APOBEC3F: variants seen among roughly 807,000 people sequenced by gnomAD.
APOBEC3F encodes DNA dC->dU-editing enzyme APOBEC-3F.
Under a neutral mutation model 45.8 loss-of-function variants are expected in APOBEC3F, and 34 were observed. The ratio of observed to expected loss-of-function variants is 0.74; its 90% CI spans 0.57 to 0.99. The LOEUF (loss-of-function observed/expected upper bound fraction) is 0.99. Among genes scored for constraint, APOBEC3F ranks in the 50% least tolerant of loss-of-function variants. The probability of loss-of-function intolerance (pLI) is 0.00; values close to 1 mark genes in which losing one functional copy is unlikely to be tolerated. For missense variants in APOBEC3F, 459 were observed against 474.1 expected, an observed-to-expected ratio of 0.97 and a Z score of 0.30; for synonymous variants, 192 against 174.4, an observed-to-expected ratio of 1.10 and a Z score of -0.80.
intron 4 of APOBEC3F, among the ~76,000 whole-genome samples, chr22:39,046,036 G>C (rs1429248296): frequency 3.3e-5 from 5 of 152,154 alleles, no homozygotes; most frequent in Non-Finnish European, 4.4e-5. Context: ...TTTTCTCACA[G>C]ATCTGGAGGC....
Position 39,055,204 on chromosome 22 carries a change from C to CT in APOBEC3F, c.*2510dup, listed in dbSNP as rs561279998. Among the ~76,000 whole-genome samples the CT allele has an allele frequency of 7.2e-5, 11 of 151,938 alleles. No homozygotes were observed. The South Asian group carries it at 2.3e-3, about 32-fold the overall frequency. On this transcript the variant is annotated 3_prime_UTR_variant, in exon 7 of 7. Coordinates refer to ENST00000308521, the MANE Select transcript of APOBEC3F (RefSeq NM_145298.6). ...TCTCGTGCCTCAGCCTCCTGAGTAG[C>CT]TGGGACTACAGGCGTGTGCCACCAC... is the stretch of plus-strand genomic sequence containing the variant.
chr22:39,051,151 C>T (rs1253912635), intron 5 of APOBEC3F, among the ~76,000 whole-genome samples: 4 of 146,848 alleles, frequency 2.7e-5, no homozygotes, highest in Admixed American at 6.7e-5. Context: ...GCAGGAAAAT[C>T]GCCTGAACCC....
At chr22:39,049,008 AC>A (rs370937601) in intron 4 of APOBEC3F, among the ~76,000 whole-genome samples, 3 of 34,364 alleles carry the variant, frequency 8.7e-5, no homozygotes, top group African/African-American at 1.2e-4. Context: ...AACAAAAAAA[AC>A]AAAAAGAGTA....
Position 39,052,260 on chromosome 22 carries a change from G to C in APOBEC3F, c.910G>C (p.Ala304Pro), listed in dbSNP as rs749030868. Residue 304 changes from alanine (A) to proline (P), a missense_variant, in exon 6 of 7, where the codon GCC becomes CCC. Transcript: ENST00000308521. Reference protein sequence around the residue: ...HSNVNLTIFTARLYYFWDTDY... With the variant: ...HSNVNLTIFTPRLYYFWDTDY... Reference sequence around the variant, plus strand: ...CAACGTGAATCTCACCATCTTCACCGCCCGCCTCTACTACTTCTGGGATAC... The same window carrying C: ...CAACGTGAATCTCACCATCTTCACCCCCCGCCTCTACTACTTCTGGGATAC... 6.2e-7 allele frequency: 1 copy of C among 1,614,198 alleles called. No homozygotes were observed. Among genetic ancestry groups the C allele is most frequent in the African/African-American group, 1.3e-5 (1 of 75,048 alleles).
At chr22:39,044,325 A>C in intron 2 of APOBEC3F, 1 of 1,418,686 alleles carries the variant, frequency 7.0e-7, no homozygotes, top group Non-Finnish European at 9.2e-7. Flanking sequence ...AAAACTTCCA[A>C]ACGAAGGGAA....
chr22:39,046,243 A>G (rs1411329989), intron 4 of APOBEC3F, among the ~76,000 whole-genome samples: 16 of 152,190 alleles, frequency 1.1e-4, no homozygotes, highest in African/African-American at 3.9e-4. Context: ...CCTAAGGGCC[A>G]TGAGTTAATT....
At chr22:39,051,972 G>C (rs150203209) in intron 5 of APOBEC3F, 102 bp from the exon 6 acceptor site, 1 of 1,504,326 alleles carries the variant, frequency 6.6e-7, no homozygotes, top group African/African-American at 1.4e-5. Flanking sequence ...ATAAGGAAAC[G>C]CCCTGGGGCT....
Position 39,052,880 on chromosome 22 carries a change from A to C in APOBEC3F, c.*185A>C. On this transcript the variant is annotated 3_prime_UTR_variant, in exon 7 of 7. Transcript: ENST00000308521. The stretch of plus-strand genomic sequence containing the variant: ...CTCCGCTCTCCCAGGCTCTTCCTGC[A>C]GAGGCCTCTTTCTGCCTCCATGGCT... 7.5e-7 allele frequency: 1 copy of C among 1,342,190 alleles called. No individual in the cohort carries two copies. The highest frequency in any genetic ancestry group is 9.6e-7 in the Non-Finnish European group (1 of 1,037,776). The allele number at this position is 1,342,190 out of a possible 1,614,324, so 83.1% of individuals were successfully genotyped here. A position where few individuals can be genotyped will look rare whatever the true frequency, so the allele number is the denominator to read the frequency against.
rs1273999205 is a variant in APOBEC3F, at chr22:39,052,919, C to T, written c.*224C>T. On this transcript the variant is annotated 3_prime_UTR_variant, in exon 7 of 7. Coordinates refer to ENST00000308521, the MANE Select transcript of APOBEC3F (RefSeq NM_145298.6). ...GCCTCCATGGCTATCCATCCACCCA[C>T]CAAGACCCTGTTCCCTGAGCCTGCA... is the stretch of plus-strand genomic sequence containing the variant. 1.9e-6 allele frequency: 2 copies of T among 1,074,798 alleles called. No individual in the cohort carries two copies. The highest frequency in any genetic ancestry group is 2.4e-6 in the Non-Finnish European group (2 of 817,398). 66.6% of individuals were successfully genotyped at this position (1,074,798 alleles called of 1,614,324 possible).
intron 3 of APOBEC3F, 90 bp from the exon 4 acceptor site, chr22:39,045,338 T>C: frequency 1.2e-6 from 2 of 1,606,018 alleles, no homozygotes; most frequent in Non-Finnish European, 1.7e-6. Context: ...GGGCCAGCAC[T>C]GACAGCAACT....
chr22:39,051,797 CA>C (rs1206427743), intron 5 of APOBEC3F, among the ~76,000 whole-genome samples: 2 of 150,644 alleles, frequency 1.3e-5, no homozygotes, highest in Non-Finnish European at 3.0e-5. Flanking sequence ...ACAAAAATTA[CA>C]AAAAAATTAG....
chr22:39,052,213 C>T lies in APOBEC3F; in HGVS notation c.863C>T (p.Ala288Val). ...TGCCCAGAGTGTGCAGGGGAGGTGG[C>T]CGAGTTCCTGGCCAGGCACAGCAAC... Reference protein sequence around the residue: ...SPCPECAGEVAEFLARHSNVN... With the variant: ...SPCPECAGEVVEFLARHSNVN... Residue 288 changes from alanine (A) to valine (V), a missense_variant, in exon 6 of 7, where the codon GCC (alanine) becomes GTC (valine). Transcript: ENST00000308521. 5 of 1,614,176 alleles carry T rather than the reference C, an allele frequency of 3.1e-6. No individual in the cohort carries two copies. The highest frequency in any genetic ancestry group is 4.2e-6 in the Non-Finnish European group (5 of 1,180,038).
chr22:39,051,413 T>C (rs33968924), intron 5 of APOBEC3F, among the ~76,000 whole-genome samples: 67,487 of 151,038 alleles, frequency 0.45, 16,579 homozygotes, highest in East Asian at 0.69. Context: ...GGCGGGCGCC[T>C]GTAGTCCCAG....
chr22:39,044,612 C>T (rs1471751714), intron 2 of APOBEC3F, among the ~76,000 whole-genome samples: 2 of 152,130 alleles, frequency 1.3e-5, no homozygotes, highest in African/African-American at 4.8e-5. Flanking sequence ...GTCTGACATA[C>T]TGCCCCCCCA....
chr22:39,041,371 A>T (rs561728734), intron 1 of APOBEC3F, among the ~76,000 whole-genome samples: 1 of 152,288 alleles, frequency 6.6e-6, no homozygotes, highest in Admixed American at 6.5e-5. Context: ...CAGTGCTTTG[A>T]TGGATTTTCT....
At position 39,052,629 on chromosome 22, in the gene APOBEC3F, G is replaced by C. The variant is rs986089281; in HGVS notation, c.1056G>C (p.Lys352Asn). The C allele has an allele frequency of 3.1e-6, 5 of 1,614,050 alleles. No individual in the cohort carries two copies. The highest frequency in any genetic ancestry group is 1.7e-4 in the Middle Eastern group (1 of 6,060). Residue 352 changes from lysine (K) to asparagine (N), a missense_variant, in exon 7 of 7, where the codon AAG becomes AAC. Coordinates refer to ENST00000308521, the MANE Select transcript of APOBEC3F (RefSeq NM_145298.6). ...NFVYNDDEPF[K>N]PWKGLKYNFL... ...TGTACAATGATGATGAGCCATTCAA[G>C]CCTTGGAAAGGACTAAAATACAACT... is the stretch of plus-strand genomic sequence containing the variant.
rs868443019 is a variant in APOBEC3F at position 39,054,365 on chromosome 22, G to A, written c.*1670G>A. Among the ~76,000 whole-genome samples the A allele has an allele frequency of 1.4e-4, 21 of 152,286 alleles. No homozygotes were observed. Among genetic ancestry groups the A allele is most frequent in the Middle Eastern group, 3.4e-3 (1 of 294 alleles). On this transcript the variant is annotated 3_prime_UTR_variant, in exon 7 of 7. Coordinates refer to ENST00000308521, the MANE Select transcript of APOBEC3F (RefSeq NM_145298.6). ...TCCTACCTAAGCCTCCCAAGTAGCTGGGATTACATGCGCGTGCCACCACGC... is the reference window on the plus strand; with the variant it reads ...TCCTACCTAAGCCTCCCAAGTAGCTAGGATTACATGCGCGTGCCACCACGC...
At position 39,040,892 on chromosome 22, in the gene APOBEC3F, G is replaced by A. The variant is rs1926844462; in HGVS notation, c.-69G>A. On this transcript the variant is annotated 5_prime_UTR_variant, in exon 1 of 7. Transcript: ENST00000308521. ...TTAGGGAGGGCTGTCCTGAAACCTG[G>A]AGCCTGGAGCAGAAAGTGAAACCCT... 4 of 1,552,344 alleles carry A rather than the reference G, an allele frequency of 2.6e-6. No individual in the cohort carries two copies. Among genetic ancestry groups the A allele is most frequent in the East Asian group, 2.4e-5 (1 of 41,080 alleles).
intron 4 of APOBEC3F, among the ~76,000 whole-genome samples, chr22:39,046,169 G>C (rs1334642166): frequency 2.0e-5 from 3 of 152,052 alleles, no homozygotes; most frequent in Non-Finnish European, 4.4e-5. Flanking sequence ...GCACCCCTGG[G>C]GTCTCTCTGC....
Sources: allele counts gnomAD v4.1 joint callset (sites outside exome capture counted in the v4.1 genomes callset), GRCh38; gene constraint gnomAD v4.1.1; transcripts MANE v1.5; gene names NCBI Gene and HGNC (gene_info 2026-07-23, HGNC 2026-07-21).